NR1H3: variants seen among roughly 807,000 people sequenced by gnomAD.
The protein encoded by NR1H3 is nuclear receptor subfamily 1 group H member 3, also known as oxysterols receptor LXR-alpha.
Under a neutral mutation model 48.1 loss-of-function variants are expected in NR1H3, and 19 were observed. That is an observed-to-expected ratio of 0.40 (90% CI 0.28 to 0.58). NR1H3 has a LOEUF of 0.58. Among genes scored for constraint, NR1H3 ranks in the 20% least tolerant of loss-of-function variants. The pLI is 0.50. For missense variants in NR1H3, 486 were observed against 595.9 expected (o/e 0.82, Z 1.92); for synonymous variants, 232 against 227.3 (o/e 1.02, Z -0.19).
chr11:47,255,595 TTC>T (rs1183559034), upstream of NR1H3, among the ~76,000 whole-genome samples: 123 of 61,368 alleles, frequency 2.0e-3, 1 homozygote, highest in African/African-American at 7.8e-3. Context: ...CTTTCTTTCT[TTC>T]TCTCTCTCTC....
Position 47,267,961 on chromosome 11 carries a change from T to C in NR1H3, c.1037T>C (p.Met346Thr). Reference sequence around the variant, plus strand: ...CCCATCTTCGAGTTCTCCAGGGCCATGAATGAGCTGCAACTCAATGATGCC... The same window carrying C: ...CCCATCTTCGAGTTCTCCAGGGCCACGAATGAGCTGCAACTCAATGATGCC... ...INPIFEFSRA[M>T]NELQLNDAEF... The change falls in exon 8 of 10, where the codon ATG becomes ACG. Residue 346 changes from methionine (M) to threonine (T), a missense_variant. Physicochemically the swap from Met to Thr is moderately conservative, Grantham distance 81. Transcript: ENST00000441012. 6 of 1,614,130 alleles carry C rather than the reference T, an allele frequency of 3.7e-6. No homozygotes were observed. The highest frequency in any genetic ancestry group is 5.1e-6 in the Non-Finnish European group (6 of 1,180,026).
At chr11:47,249,346 G>C (rs945908215) in intron 1 of NR1H3, among the ~76,000 whole-genome samples, 1 of 152,158 alleles carries the variant, frequency 6.6e-6, no homozygotes. Context: ...GGTTGCCCCA[G>C]TCTGGCCTAC....
intron 1 of NR1H3, chr11:47,258,887 T>C: frequency 3.0e-6 from 1 of 330,176 alleles, no homozygotes; most frequent in Non-Finnish European, 5.7e-6. Flanking sequence ...CATAAAGCCT[T>C]ATAACAGGCT....
upstream of NR1H3, among the ~76,000 whole-genome samples, chr11:47,254,454 A>G (rs748388776): frequency 6.6e-6 from 1 of 152,160 alleles, no homozygotes; most frequent in Admixed American, 6.5e-5. Context: ...CTCAGTGACT[A>G]GAGTCCCTGG....
chr11:47,253,134 C>CGTGCGTGTGTGTGTGTGTGTGTGTGTGT (rs369779963), upstream of NR1H3, among the ~76,000 whole-genome samples: 3 of 147,654 alleles, frequency 2.0e-5, no homozygotes, highest in Admixed American at 6.7e-5. Context: ...AATTTTTGTG[C>CGTGCGTGTGTGTGTGTGTGTGTGTGTGT]GTGTGTGTGT....
At chr11:47,248,443 T>C, upstream of NR1H3, 1 of 1,542,174 alleles carries the variant, frequency 6.5e-7, no homozygotes, top group Non-Finnish European at 8.7e-7. Context: ...TAGGGATGAG[T>C]CTTAACCATT....
upstream of NR1H3, among the ~76,000 whole-genome samples, chr11:47,253,605 T>C (rs1226012038): frequency 1.3e-5 from 2 of 152,232 alleles, no homozygotes; most frequent in Non-Finnish European, 2.9e-5. Context: ...CCTGCAGACC[T>C]TACCCTGTGG....
Position 47,268,366 on chromosome 11 carries a change from C to T in NR1H3, c.1197+11C>T. ...ATCCACCATCCCCATGTGAGTCTCC[C>T]CATGGTGTTCCTTTTCCTCCTTCCC... On this transcript the variant is annotated intron_variant, in intron 9 of 9. Transcript: ENST00000441012. The T allele has an allele frequency of 4.3e-6, 7 of 1,610,780 alleles. No individual in the cohort carries two copies. The highest frequency in any genetic ancestry group is 5.9e-6 in the Non-Finnish European group (7 of 1,176,956).
intron 1 of NR1H3, among the ~76,000 whole-genome samples, chr11:47,250,958 G>A (rs1177420664): frequency 6.6e-6 from 1 of 152,114 alleles, no homozygotes; most frequent in Non-Finnish European, 1.5e-5. Context: ...AGGAGATCAA[G>A]ACCATCCTGG....
At chr11:47,257,188 C>T (rs1226084534), upstream of NR1H3, among the ~76,000 whole-genome samples, 4 of 152,158 alleles carry the variant, frequency 2.6e-5, no homozygotes, top group African/African-American at 9.7e-5. Flanking sequence ...ATGCCCCAGG[C>T]AGCAGAGTAG....
At chr11:47,250,718 C>T (rs1417658596) in intron 1 of NR1H3, among the ~76,000 whole-genome samples, 3 of 152,154 alleles carry the variant, frequency 2.0e-5, no homozygotes, top group African/African-American at 7.2e-5. Context: ...TCACAAAGAC[C>T]ATTTATTACA....
At chr11:47,257,978 A>G (rs1042479145), upstream of NR1H3, 1 of 985,064 alleles carries the variant, frequency 1.0e-6, no homozygotes, top group Non-Finnish European at 1.2e-6. Flanking sequence ...CCAAATTGCT[A>G]CTTCTCTGGG....
intron 8 of NR1H3, 54 bp from the exon 9 acceptor site, chr11:47,268,207 T>C: frequency 6.5e-7 from 1 of 1,531,934 alleles, no homozygotes; most frequent in Non-Finnish European, 9.0e-7. Context: ...CAATTTGGGG[T>C]ATGGAACTGG....
Position 47,262,106 on chromosome 11 carries a change from G to A in NR1H3, c.988+88G>A, listed in dbSNP as rs1419405769. 1.8e-5 allele frequency: 18 copies of A among 994,310 alleles called. 1 individual carries two copies. The highest frequency in any genetic ancestry group is 1.1e-4 in the South Asian group (7 of 62,578). The allele number at this position is 994,310 out of a possible 1,614,324, so 61.6% of individuals were successfully genotyped here. ...TATTTTTAAAAATTGAGGGCCAGGC[G>A]CGGTGGCTCATGCCTGTAATCCCAG... On this transcript the variant is annotated intron_variant, in intron 7 of 9. Coordinates refer to ENST00000441012, the MANE Select transcript of NR1H3 (RefSeq NM_005693.4).
In NR1H3 at chr11:47,261,401, C is replaced by T. The variant is rs1955847008; in HGVS notation, c.660C>T (p.Ala220=). 1.9e-6 allele frequency: 3 copies of T among 1,614,184 alleles called. No individual in the cohort carries two copies. Among genetic ancestry groups the T allele is most frequent in the Non-Finnish European group, 2.5e-6 (3 of 1,180,032 alleles). The change falls in exon 5 of 10, where the codon GCC becomes GCT. Residue 220 remains alanine (A), a synonymous_variant. Coordinates refer to ENST00000441012, the MANE Select transcript of NR1H3 (RefSeq NM_005693.4). ...GCATGATCGAGAAGCTCGTCGCTGC[C>T]CAGCAACAGTGTAACCGGCGCTCCT... ...QLGMIEKLVA[A]QQQCNRRSFS... is the part of the protein sequence containing the mutation.
intron 2 of NR1H3, 110 bp downstream of exon 2, chr11:47,259,369 C>T (rs1955570493): frequency 6.2e-7 from 1 of 1,601,246 alleles, no homozygotes; most frequent in East Asian, 2.2e-5. Context: ...AGAGAGCAGT[C>T]CAGAGTCATT....
rs540339016 is a variant in NR1H3 at position 47,265,905 on chromosome 11, T to A, written c.989-2008T>A. Reference sequence around the variant, plus strand: ...ATTTTTTTATTTATTTTACAAACACTTATGTGGTAGTTACCATATATGCCA... The same window carrying A: ...ATTTTTTTATTTATTTTACAAACACATATGTGGTAGTTACCATATATGCCA... On this transcript the variant is annotated intron_variant, in intron 7 of 9. Transcript: ENST00000441012. Among the ~76,000 whole-genome samples the A allele has an allele frequency of 3.3e-5, 5 of 152,276 alleles. No individual in the cohort carries two copies. In the South Asian group the frequency reaches 1.0e-3, roughly 32 times the overall value.
chr11:47,257,799 GC>G (rs200742038), upstream of NR1H3: 6,899 of 929,878 alleles, frequency 7.4e-3, 35 homozygotes, highest in African/African-American at 0.015. Context: ...CACTGTTTTG[GC>G]CGGGAGTAGG....
At chr11:47,267,104 C>T (rs367766696) in intron 7 of NR1H3, among the ~76,000 whole-genome samples, 8 of 151,782 alleles carry the variant, frequency 5.3e-5, no homozygotes, top group East Asian at 3.9e-4. Flanking sequence ...TCCAGGAGTT[C>T]GAGACCAGCC....
Sources: gnomAD v4.1 joint callset for allele counts (sites outside exome capture counted in the v4.1 genomes callset) on GRCh38, gnomAD v4.1.1 for gene constraint, MANE v1.5 for transcripts, NCBI Gene and HGNC (gene_info 2026-07-23, HGNC 2026-07-21) for gene names.